The following TAB1 variants were observed in gnomAD, a reference collection of about 807,000 sequenced individuals.
The protein encoded by TAB1 is TGF-beta activated kinase 1 (MAP3K7) binding protein 1, also known as TGF-beta-activated kinase 1 and MAP3K7-binding protein 1.
Under a neutral mutation model 54.5 loss-of-function variants are expected in TAB1, and 30 were observed. The ratio of observed to expected loss-of-function variants is 0.55; its 90% confidence interval spans 0.41 to 0.75. TAB1 has a LOEUF of 0.75. Ranked by LOEUF, TAB1 falls within the 30% of genes least tolerant of loss-of-function variation. The pLI is 0.00. For missense variants in TAB1, 609 were observed against 683.2 expected, an observed-to-expected ratio of 0.89 and a Z score of 1.21; for synonymous variants, 289 against 286.9, an observed-to-expected ratio of 1.01 and a Z score of -0.07.
rs751636187 is a variant in TAB1 at position 39,417,795 on chromosome 22, G to A, written c.496G>A (p.Ala166Thr). 1.9e-6 allele frequency: 3 copies of A among 1,613,302 alleles called. No individual in the cohort carries two copies. The highest frequency in any genetic ancestry group is 2.5e-6 in the Non-Finnish European group (3 of 1,179,678). Residue 166 changes from alanine to threonine, a missense_variant, in exon 5 of 11, where the codon GCC becomes ACC. Physicochemically the swap from Ala to Thr is moderately conservative, Grantham distance 58 (BLOSUM62 0). Coordinates refer to ENST00000216160, the MANE Select transcript of TAB1 (RefSeq NM_006116.3). The part of the protein sequence containing the change: ...KTLEREISGG[A>T]MAVVAVLLNN... ...GTTAGAGAGGGAAATTTCGGGAGGG[G>A]CCATGGCCGTTGTGGCGGTCCTTCT...
chr22:39,415,761 G>C lies in TAB1; in HGVS notation c.324+108G>C, dbSNP rs1393185135. 19 of 1,414,950 alleles carry C rather than the reference G, an allele frequency of 1.3e-5. No individual in the cohort carries two copies. The highest frequency in any genetic ancestry group is 1.8e-5 in the Non-Finnish European group (19 of 1,055,638). 87.6% of individuals were successfully genotyped at this position (1,414,950 alleles called of 1,614,324 possible). On this transcript the variant is annotated intron_variant, in intron 3 of 10. Transcript: ENST00000216160. This position sits in a 1 kb window ranked among gnomAD's most constrained non-coding sequence, Gnocchi z 4.9. The stretch of plus-strand genomic sequence containing the variant: ...CCAGGGTTGGTGTGAAGATCCTGCC[G>C]GCCCCTTCACCCCAGTAGAGGAGCA...
At position 39,419,572 on chromosome 22, in the gene TAB1, AC is replaced by A; in HGVS notation, c.721del (p.Arg241GlyfsTer41). ...QVGIICGQES[T>X]RRIGDYKVKY... Reference sequence around the variant, plus strand: ...GGGGATCATCTGTGGGCAGGAGAGCACCCGGCGGATCGGGGATTACAAGGTT... The same window carrying A: ...GGGGATCATCTGTGGGCAGGAGAGCACCGGCGGATCGGGGATTACAAGGTT... On this transcript the variant is annotated frameshift_variant, in exon 7 of 11. Transcript: ENST00000216160. LOFTEE classifies it high-confidence loss of function. 1.2e-6 allele frequency: 2 copies of A among 1,613,184 alleles called. No individual in the cohort carries two copies. The highest frequency in any genetic ancestry group is 1.7e-6 in the Non-Finnish European group (2 of 1,179,484).
intron 1 of TAB1, among the ~76,000 whole-genome samples, chr22:39,408,365 G>A (rs998191503): frequency 6.6e-6 from 1 of 152,144 alleles, no homozygotes; most frequent in Non-Finnish European, 1.5e-5. Context: ...GCTTACTCCT[G>A]GTCTCCTGTT....
At chr22:39,405,726 T>G (rs1569192781) in intron 1 of TAB1, among the ~76,000 whole-genome samples, 1 of 152,204 alleles carries the variant, frequency 6.6e-6, no homozygotes, top group Non-Finnish European at 1.5e-5. Context: ...TAGGCTTTAA[T>G]GGAATCAGCA....
chr22:39,431,240 C>T lies in TAB1; in HGVS notation c.*1018C>T. 2.0e-6 allele frequency: 2 copies of T among 985,614 alleles called. No individual in the cohort carries two copies. The highest frequency in any genetic ancestry group is 2.4e-6 in the Non-Finnish European group (2 of 830,070). 61.1% of individuals were successfully genotyped at this position (985,614 alleles called of 1,614,324 possible). A position where few individuals can be genotyped will look rare whatever the true frequency, so the allele number is the denominator to read the frequency against. On this transcript the variant is annotated 3_prime_UTR_variant, in exon 11 of 11. Coordinates refer to ENST00000216160, the MANE Select transcript of TAB1 (RefSeq NM_006116.3). ...TAGGAGAAGGGTCGGGCCAGCCCAG[C>T]CCAGGGCCTGAGTTAGACTATTTCC...
chr22:39,435,850 A>G (rs1340529892), downstream of TAB1, among the ~76,000 whole-genome samples: 1 of 152,150 alleles, frequency 6.6e-6, no homozygotes, highest in Non-Finnish European at 1.5e-5. Context: ...AGCCTGCCCC[A>G]AGACCACGTG....
At chr22:39,418,189 C>T (rs1344045067) in intron 5 of TAB1, among the ~76,000 whole-genome samples, 2 of 152,078 alleles carry the variant, frequency 1.3e-5, no homozygotes, top group Admixed American at 6.6e-5. Context: ...TGAACAGCTG[C>T]GAGATGGGGC....
At position 39,430,626 on chromosome 22, in the gene TAB1, C is replaced by CTTT; in HGVS notation, c.*404_*405insTTT. ...CTGCTGTCCCAAGCCCACCCCTCCTCCCACCATCACCTCCCTCACCTCGGG... is the reference window on the plus strand; with the variant it reads ...CTGCTGTCCCAAGCCCACCCCTCCTCTTTCCACCATCACCTCCCTCACCTCGGG... On this transcript the variant is annotated 3_prime_UTR_variant, in exon 11 of 11. Transcript: ENST00000216160. 9.1e-7 allele frequency: 1 copy of CTTT among 1,093,526 alleles called. No homozygotes were observed. 67.7% of individuals were successfully genotyped at this position (1,093,526 alleles called of 1,614,324 possible).
intron 8 of TAB1, among the ~76,000 whole-genome samples, chr22:39,426,227 T>G (rs1927328619): frequency 6.6e-6 from 1 of 152,244 alleles, no homozygotes; most frequent in African/African-American, 2.4e-5. Flanking sequence ...GAGGAACATC[T>G]GTATACTAGA....
At position 39,415,293 on chromosome 22, in the gene TAB1, G is replaced by A; in HGVS notation, c.170+151G>A. 8.8e-7 allele frequency: 1 copy of A among 1,131,926 alleles called. No homozygotes were observed. 70.1% of individuals were successfully genotyped at this position (1,131,926 alleles called of 1,614,324 possible). A position where few individuals can be genotyped will look rare whatever the true frequency, so the allele number is the denominator to read the frequency against. ...TCTGCTGCTGTCTTGCCAAGGGCCT[G>A]CTCTGATGGGGTAGCGTGAGCATGG... On this transcript the variant is annotated intron_variant, in intron 2 of 10. Coordinates refer to ENST00000216160, the MANE Select transcript of TAB1 (RefSeq NM_006116.3). The surrounding 1 kb of genome is among the most constrained non-coding windows in gnomAD (Gnocchi z 4.9).
chr22:39,407,493 T>C (rs972690057), intron 1 of TAB1, among the ~76,000 whole-genome samples: 1 of 151,858 alleles, frequency 6.6e-6, no homozygotes, highest in African/African-American at 2.4e-5. Flanking sequence ...TGTTTTGTTT[T>C]TTTTTTTTGA....
intron 1 of TAB1, among the ~76,000 whole-genome samples, chr22:39,401,048 A>C (rs916629701): frequency 4.0e-5 from 6 of 151,846 alleles, no homozygotes; most frequent in Non-Finnish European, 4.4e-5. Flanking sequence ...AAAAAAAAAA[A>C]AAAAAAAACG....
downstream of TAB1, chr22:39,433,455 GAAA>G: frequency 1.1e-6 from 1 of 876,776 alleles, no homozygotes; most frequent in Non-Finnish European, 1.4e-6. Context: ...CCTGTCTCAA[GAAA>G]AAAAAAAAAG....
chr22:39,420,955 C>T (rs914312355), intron 7 of TAB1, among the ~76,000 whole-genome samples: 2 of 144,522 alleles, frequency 1.4e-5, no homozygotes, highest in Admixed American at 1.4e-4. Flanking sequence ...GAGCCTGCAT[C>T]CTTTTCGGAA....
intron 4 of TAB1, among the ~76,000 whole-genome samples, chr22:39,417,278 A>G (rs922499510): frequency 1.3e-5 from 2 of 152,210 alleles, no homozygotes; most frequent in African/African-American, 2.4e-5. Flanking sequence ...TGGCTGTGCC[A>G]TGGACCATCT....
chr22:39,422,396 A>C (rs1927129621), intron 8 of TAB1, among the ~76,000 whole-genome samples: 2 of 115,086 alleles, frequency 1.7e-5, no homozygotes, highest in Non-Finnish European at 3.7e-5. Context: ...TTTGCTTCTC[A>C]TTTCTTTTTT....
intron 10 of TAB1, chr22:39,429,407 G>A (rs946310580): frequency 8.2e-6 from 8 of 974,896 alleles, no homozygotes; most frequent in Non-Finnish European, 7.3e-6. Context: ...GGGAGTGCTC[G>A]CGTGGGTGCT....
At chr22:39,423,040 A>G (rs1927165002) in intron 8 of TAB1, among the ~76,000 whole-genome samples, 1 of 148,442 alleles carries the variant, frequency 6.7e-6, no homozygotes, top group Non-Finnish European at 1.5e-5. Flanking sequence ...TGGCGTGATC[A>G]CGGGTCACTG....
rs535324501 is a variant in TAB1, at chr22:39,402,885, A to G, written c.33+3050A>G. Among the ~76,000 whole-genome samples the G allele has an allele frequency of 1.3e-3, 201 of 152,322 alleles. 3 individuals carry two copies. Among genetic ancestry groups the G allele is most frequent in the Middle Eastern group, 6.8e-3 (2 of 294 alleles). On this transcript the variant is annotated intron_variant, in intron 1 of 10. Coordinates refer to ENST00000216160, the MANE Select transcript of TAB1 (RefSeq NM_006116.3). ...GTTCTAAGGAGAGCTTGATGTGTTCAAAAGGACCCAGACCTTTCAGCCGGA... is the reference window on the plus strand; with the variant it reads ...GTTCTAAGGAGAGCTTGATGTGTTCGAAAGGACCCAGACCTTTCAGCCGGA...
Sources: gnomAD v4.1 joint callset for allele counts (sites outside exome capture counted in the v4.1 genomes callset) on GRCh38, gnomAD v4.1.1 for gene constraint, Gnocchi (gnomAD v3.1) non-coding constraint, MANE v1.5 for transcripts, NCBI Gene and HGNC (gene_info 2026-07-23, HGNC 2026-07-21) for gene names.